BRINP1: variants seen among roughly 807,000 people sequenced by gnomAD.
BRINP1 encodes BMP/retinoic acid-inducible neural-specific protein 1.
A neutral mutation model predicts 72.9 loss-of-function variants in BRINP1; 17 were observed. That is an observed-to-expected ratio of 0.23 (90% CI 0.16 to 0.35). The LOEUF is 0.35. Among genes scored for constraint, BRINP1 ranks in the 10% least tolerant of loss-of-function variants. The pLI, the probability that BRINP1 is intolerant of heterozygous loss-of-function variation, is 1.00. For missense variants in BRINP1, 850 were observed against 1,001.6 expected (o/e 0.85, Z 2.04); for synonymous variants, 418 against 378.5 (o/e 1.10, Z -1.21).
At chr9:119,272,189 G>A (rs987901356) in intron 2 of BRINP1, among the ~76,000 whole-genome samples, 4 of 150,066 alleles carry the variant, frequency 2.7e-5, no homozygotes, top group Admixed American at 6.7e-5. Flanking sequence ...AGCAATTCTC[G>A]TGCCTCAGCC....
intron 5 of BRINP1, among the ~76,000 whole-genome samples, chr9:119,225,236 A>G (rs1273358466): frequency 2.0e-5 from 3 of 152,082 alleles, no homozygotes; most frequent in African/African-American, 4.8e-5. Flanking sequence ...ACATGCTACA[A>G]CATAGATGAA....
chr9:119,254,253 G>A (rs561238402), intron 2 of BRINP1, among the ~76,000 whole-genome samples: 1 of 152,312 alleles, frequency 6.6e-6, no homozygotes, highest in South Asian at 2.1e-4. Context: ...TGTCAGGGGA[G>A]ATAAGTGTTA....
chr9:119,297,953 A>T (rs1830897662), intron 2 of BRINP1, among the ~76,000 whole-genome samples: 1 of 152,240 alleles, frequency 6.6e-6, no homozygotes, highest in Admixed American at 6.5e-5. Context: ...TGGGTGCCCC[A>T]GTGCCTTTTC....
intron 1 of BRINP1, among the ~76,000 whole-genome samples, chr9:119,361,801 T>C (rs1587973811): frequency 7.1e-6 from 1 of 140,566 alleles, no homozygotes; most frequent in African/African-American, 2.7e-5. Flanking sequence ...TTTTGCATTT[T>C]TTTTTTTTTT....
At chr9:119,217,007 G>A (rs773995512) in intron 5 of BRINP1, among the ~76,000 whole-genome samples, 1 of 152,190 alleles carries the variant, frequency 6.6e-6, no homozygotes. Context: ...AATTTCGAAA[G>A]AGAACAATGA....
intron 5 of BRINP1, among the ~76,000 whole-genome samples, chr9:119,232,168 C>T (rs1193999197): frequency 6.6e-6 from 1 of 152,172 alleles, no homozygotes; most frequent in African/African-American, 2.4e-5. Context: ...TGACTTCTCT[C>T]TCTCACAAAT....
chr9:119,169,218 C>T (rs1012756859), intron 7 of BRINP1, among the ~76,000 whole-genome samples: 5 of 152,234 alleles, frequency 3.3e-5, no homozygotes, highest in Non-Finnish European at 7.3e-5. Context: ...TCTGAGGTAC[C>T]GGGTGCATCT....
At chr9:119,172,837 C>T (rs1564208794) in intron 7 of BRINP1, among the ~76,000 whole-genome samples, 1 of 151,900 alleles carries the variant, frequency 6.6e-6, no homozygotes, top group Non-Finnish European at 1.5e-5. Flanking sequence ...ATACGCAAAT[C>T]AATAAATGTA....
chr9:119,252,893 C>T (rs1830408011), intron 2 of BRINP1, among the ~76,000 whole-genome samples: 2 of 152,178 alleles, frequency 1.3e-5, no homozygotes, highest in Non-Finnish European at 2.9e-5. Flanking sequence ...CTTTGACGTT[C>T]ACCAGCGATA....
At chr9:119,324,103 T>C (rs1208639503) in intron 1 of BRINP1, among the ~76,000 whole-genome samples, 1 of 152,210 alleles carries the variant, frequency 6.6e-6, no homozygotes, top group African/African-American at 2.4e-5. Flanking sequence ...CTATGAATCC[T>C]GTTTAGCCAA....
At chr9:119,304,877 T>C (rs1830978876) in intron 2 of BRINP1, among the ~76,000 whole-genome samples, 1 of 152,234 alleles carries the variant, frequency 6.6e-6, no homozygotes, top group Admixed American at 6.5e-5. Context: ...TCTTTCTCCC[T>C]TTCTCCCACT....
chr9:119,168,852 G>A (rs1465875433), intron 7 of BRINP1, among the ~76,000 whole-genome samples: 1 of 152,174 alleles, frequency 6.6e-6, no homozygotes, highest in Non-Finnish European at 1.5e-5. Flanking sequence ...GAGAAGGTGT[G>A]GAGAAACAGG....
At chr9:119,174,857 T>G (rs1390490019) in intron 7 of BRINP1, among the ~76,000 whole-genome samples, 12 of 150,614 alleles carry the variant, frequency 8.0e-5, no homozygotes, top group African/African-American at 2.2e-4. Context: ...CTCAGTCAAC[T>G]ATCGCAAGAA....
intron 2 of BRINP1, among the ~76,000 whole-genome samples, chr9:119,274,955 A>G (rs1163554374): frequency 6.6e-6 from 1 of 152,186 alleles, no homozygotes; most frequent in Admixed American, 6.5e-5. Flanking sequence ...GTATGTTAAC[A>G]TTATTTAATG....
At chr9:119,168,551 C>A (rs1376288916) in intron 7 of BRINP1, among the ~76,000 whole-genome samples, 1 of 120,130 alleles carries the variant, frequency 8.3e-6, no homozygotes, top group Non-Finnish European at 2.0e-5. Context: ...AAGTGTGATT[C>A]AGGAAATGAA....
intron 2 of BRINP1, among the ~76,000 whole-genome samples, chr9:119,271,247 CA>C (rs1830602217): frequency 2.0e-5 from 3 of 149,324 alleles, no homozygotes; most frequent in African/African-American, 7.4e-5. Flanking sequence ...AAGATGAGTA[CA>C]GGGGGAAACG....
chr9:119,249,201 A>G (rs1255506532), intron 2 of BRINP1, 51 bp from the exon 3 acceptor site: 1 of 1,549,678 alleles, frequency 6.5e-7, no homozygotes, highest in Non-Finnish European at 8.8e-7. Flanking sequence ...ATTACCCTTA[A>G]GCCAAAGTCC....
At chr9:119,320,517 A>C (rs1436400967) in intron 1 of BRINP1, among the ~76,000 whole-genome samples, 1 of 152,160 alleles carries the variant, frequency 6.6e-6, no homozygotes, top group Non-Finnish European at 1.5e-5. Context: ...CACTGACTCT[A>C]CGTGTGGTGA....
intron 1 of BRINP1, among the ~76,000 whole-genome samples, chr9:119,323,809 T>G (rs1403444098): frequency 6.6e-6 from 1 of 152,172 alleles, no homozygotes; most frequent in Admixed American, 6.5e-5. Flanking sequence ...GGAGGAGGCA[T>G]GGTAAAATTG....
Sources: allele counts gnomAD v4.1 joint callset (sites outside exome capture counted in the v4.1 genomes callset), GRCh38; gene constraint gnomAD v4.1.1; transcripts MANE v1.5; gene names NCBI Gene and HGNC (gene_info 2026-07-23, HGNC 2026-07-21).